DGCR2: variants seen among roughly 807,000 people sequenced by gnomAD.
DGCR2 encodes integral membrane protein DGCR2/IDD.
DGCR2 carries 24 observed loss-of-function variants against 51.6 expected under a neutral mutation model. The observed-to-expected ratio is 0.47, with a 90% CI of 0.34 to 0.65. The LOEUF (loss-of-function observed/expected upper bound fraction) is 0.65. Ranked by LOEUF, DGCR2 falls within the 30% of genes least tolerant of loss-of-function variation. The pLI, the probability that DGCR2 is intolerant of heterozygous loss-of-function variation, is 0.01. For synonymous variants in DGCR2, 340 were observed against 315.4 expected, an observed-to-expected ratio of 1.08 and a Z score of -0.82; for missense variants, 765 against 772.1, an observed-to-expected ratio of 0.99 and a Z score of 0.11.
rs760218212 is a variant in DGCR2, at chr22:19,038,868, C to T, written c.1650G>A (p.Val550=). ...RHSRSSLNTV[V] ...GTTGGGGTACAGGCCAGGCCGTCTA[C>T]ACCACAGTATTGAGGGAGCTGCGGC... The change falls in exon 10 of 10, where the codon GTG becomes GTA. Residue 550 remains valine (V), a synonymous_variant. Coordinates refer to ENST00000263196, the MANE Select transcript of DGCR2 (RefSeq NM_005137.3). The T allele has an allele frequency of 6.2e-6, 10 of 1,612,798 alleles. No homozygotes were observed. The highest frequency in any genetic ancestry group is 1.1e-5 in the South Asian group (1 of 91,030).
chr22:19,110,223 C>A (rs765738204), intron 1 of DGCR2, among the ~76,000 whole-genome samples: 1 of 152,184 alleles, frequency 6.6e-6, no homozygotes, highest in African/African-American at 2.4e-5. Context: ...CTATTACATG[C>A]CAAGTGCTGA....
At chr22:19,084,423 G>A (rs1329632936) in intron 2 of DGCR2, among the ~76,000 whole-genome samples, 1 of 151,450 alleles carries the variant, frequency 6.6e-6, no homozygotes, top group African/African-American at 2.4e-5. Context: ...CGTCTGAGAA[G>A]TGAGGAGCCC....
chr22:19,073,791 C>A (rs1050266394), intron 2 of DGCR2, among the ~76,000 whole-genome samples: 2 of 152,196 alleles, frequency 1.3e-5, no homozygotes, highest in Admixed American at 6.5e-5. Flanking sequence ...CTCCTATGTT[C>A]CTTTTCCACA....
At chr22:19,093,333 C>G (rs2146019967) in intron 1 of DGCR2, among the ~76,000 whole-genome samples, 1 of 150,030 alleles carries the variant, frequency 6.7e-6, no homozygotes, top group South Asian at 2.1e-4. Context: ...GCACTCCAGC[C>G]TGGGCAACAA....
chr22:19,084,357 C>A (rs1300382955), intron 2 of DGCR2, among the ~76,000 whole-genome samples: 1 of 151,944 alleles, frequency 6.6e-6, no homozygotes, highest in Non-Finnish European at 1.5e-5. Flanking sequence ...TGAAGAGCAC[C>A]TCTGCCCGGC....
At chr22:19,070,005 C>G (rs112914943) in intron 2 of DGCR2, among the ~76,000 whole-genome samples, 2,550 of 152,242 alleles carry the variant, frequency 0.017, 76 homozygotes, top group African/African-American at 0.059. Flanking sequence ...TTTACCACCC[C>G]AAAATACAAC....
chr22:19,045,308 A>G (rs1243873436), intron 7 of DGCR2: 2 of 152,284 alleles, frequency 1.3e-5, no homozygotes, highest in African/African-American at 2.4e-5. Flanking sequence ...AGTCAGTAAC[A>G]GATCAAACTC....
intron 2 of DGCR2, among the ~76,000 whole-genome samples, chr22:19,085,641 G>T (rs539374603): frequency 2.1e-4 from 32 of 152,196 alleles, no homozygotes; most frequent in Non-Finnish European, 4.4e-4. Context: ...GAATGCCCAG[G>T]CTGTACCTAG....
At chr22:19,107,377 A>C (rs1458179575) in intron 1 of DGCR2, among the ~76,000 whole-genome samples, 1 of 152,224 alleles carries the variant, frequency 6.6e-6, no homozygotes, top group African/African-American at 2.4e-5. Flanking sequence ...ACTGGGGAAC[A>C]CCACACAAGA....
intron 2 of DGCR2, among the ~76,000 whole-genome samples, chr22:19,089,003 G>A (rs2083048136): frequency 6.6e-6 from 1 of 152,148 alleles, no homozygotes; most frequent in Admixed American, 6.5e-5. Context: ...AGGATCAAGA[G>A]GCACCCACAT....
intron 5 of DGCR2, chr22:19,060,871 G>A (rs1333407530): frequency 9.7e-6 from 5 of 516,368 alleles, no homozygotes; most frequent in South Asian, 7.1e-5. Flanking sequence ...GCGGAAACGA[G>A]CTCCCAACTT....
intron 1 of DGCR2, among the ~76,000 whole-genome samples, chr22:19,110,238 G>A (rs956705366): frequency 6.6e-6 from 1 of 152,196 alleles, no homozygotes; most frequent in African/African-American, 2.4e-5. Flanking sequence ...TGCTGATGAG[G>A]GTGCCTGATG....
Position 19,041,877 on chromosome 22 carries a change from C to T in DGCR2, c.1089G>A (p.Leu363=), listed in dbSNP as rs776549339. ...SCISSFLILS[L]LLFMVHRLRQ... ...GCAGCCGGTGGACCATGAAGAGCAG[C>T]AGTGACAGGATGAGGAAGGAGGAGA... The change falls in exon 8 of 10, where the codon CTG becomes CTA. Residue 363 remains leucine, a synonymous_variant. Transcript: ENST00000263196. 3 of 1,613,552 alleles carry T rather than the reference C, an allele frequency of 1.9e-6. No homozygotes were observed. The African/African-American group carries it at 4.0e-5, about 22-fold the overall frequency.
chr22:19,110,552 C>G (rs1361437393), intron 1 of DGCR2, among the ~76,000 whole-genome samples: 1 of 151,888 alleles, frequency 6.6e-6, no homozygotes, highest in Non-Finnish European at 1.5e-5. Flanking sequence ...GTGCAGCAAA[C>G]CACCATGGCA....
intron 2 of DGCR2, among the ~76,000 whole-genome samples, chr22:19,081,069 T>C (rs1042362313): frequency 7.2e-5 from 11 of 152,234 alleles, no homozygotes; most frequent in African/African-American, 2.7e-4. Flanking sequence ...AGGCCCATGG[T>C]TGCAGCTGCT....
At position 19,089,413 on chromosome 22, in the gene DGCR2, C is replaced by A; in HGVS notation, c.157G>T (p.Gly53Cys). The part of the protein sequence containing the change: ...QCIPLPWQCD[G>C]WATCEDESDE... ...CTCTCATCCTCGCAAGTCGCCCAGC[C>A]GTCACACTGCCAGGGGAGGGGGATG... The change falls in exon 2 of 10, where the codon GGC becomes TGC. Residue 53 changes from glycine to cysteine, a missense_variant. Transcript: ENST00000263196. 1 of 1,610,876 alleles carries A rather than the reference C, an allele frequency of 6.2e-7. No individual in the cohort carries two copies. The highest frequency in any genetic ancestry group is 8.5e-7 in the Non-Finnish European group (1 of 1,178,492).
intron 6 of DGCR2, among the ~76,000 whole-genome samples, chr22:19,050,867 G>A (rs1381006092): frequency 2.6e-5 from 4 of 152,158 alleles, no homozygotes; most frequent in Non-Finnish European, 4.4e-5. Flanking sequence ...TAGGCAAAGA[G>A]TACTTGGACT....
chr22:19,114,635 G>A (rs544239505), intron 1 of DGCR2, among the ~76,000 whole-genome samples: 1 of 152,214 alleles, frequency 6.6e-6, no homozygotes, highest in East Asian at 1.9e-4. Flanking sequence ...TTTCAATGGA[G>A]CATCTGGCCC....
rs1355636014 is a variant in DGCR2 at position 19,057,910 on chromosome 22, C to T, written c.626-748G>A. Among the ~76,000 whole-genome samples, 1 of 152,096 alleles carries T rather than the reference C, an allele frequency of 6.6e-6. No individual in the cohort carries two copies. The highest frequency in any genetic ancestry group is 1.5e-5 in the Non-Finnish European group (1 of 67,996). ...GGCATGGCACAGCCAGCCCTAGGCCCCACTCTCTCCCCTGCACGGCCCTTC... is the reference window on the plus strand; with the variant it reads ...GGCATGGCACAGCCAGCCCTAGGCCTCACTCTCTCCCCTGCACGGCCCTTC... On this transcript the variant is annotated intron_variant, in intron 5 of 9. Transcript: ENST00000263196. This position sits in a 1 kb window ranked among gnomAD's most constrained non-coding sequence, Gnocchi z 5.1.
Sources: gnomAD v4.1 joint callset for allele counts (sites outside exome capture counted in the v4.1 genomes callset) on GRCh38, gnomAD v4.1.1 for gene constraint, Gnocchi (gnomAD v3.1) non-coding constraint, MANE v1.5 for transcripts, NCBI Gene and HGNC (gene_info 2026-07-23, HGNC 2026-07-21) for gene names.